The following PKD1L1 variants were observed in gnomAD, a reference collection of about 807,000 sequenced individuals.
PKD1L1 encodes the protein polycystin-1-like protein 1.
PKD1L1 carries 236 observed loss-of-function variants against 323.4 expected under a neutral mutation model. That is an observed-to-expected ratio of 0.73 (90% CI 0.66 to 0.81). The LOEUF is 0.81. Ranked by LOEUF, PKD1L1 falls within the 40% of genes least tolerant of loss-of-function variation. PKD1L1 has a pLI of 0.00. For synonymous variants in PKD1L1, 1,344 were observed against 1,335.0 expected (o/e 1.01, Z -0.15); for missense variants, 3,320 against 3,508.0 (o/e 0.95, Z 1.35).
At chr7:47,808,524 G>A (rs1784829517) in intron 51 of PKD1L1, 137 bp from the exon 52 acceptor site, 3 of 1,053,902 alleles carry the variant, frequency 2.8e-6, no homozygotes, top group African/African-American at 3.2e-5. Flanking sequence ...GCATCGCTGG[G>A]TGATTTTGTC....
At chr7:47,818,520 A>G (rs377047985) in intron 46 of PKD1L1, among the ~76,000 whole-genome samples, 4 of 152,250 alleles carry the variant, frequency 2.6e-5, no homozygotes, top group South Asian at 2.1e-4. Context: ...TTGGAATAAC[A>G]TTAAGAAACT....
intron 4 of PKD1L1, among the ~76,000 whole-genome samples, chr7:47,932,591 AG>A (rs779416352): frequency 3.9e-5 from 6 of 152,158 alleles, no homozygotes; most frequent in Middle Eastern, 3.2e-3. Context: ...CCCCCATCAT[AG>A]GACCCTGTTT....
At chr7:47,887,915 C>T in intron 17 of PKD1L1, 75 bp downstream of exon 17, 1 of 1,442,884 alleles carries the variant, frequency 6.9e-7, no homozygotes, top group South Asian at 1.3e-5. Flanking sequence ...ATGTATTTTG[C>T]AACATTTTAG....
chr7:47,943,196 A>ATGTG (rs1554417340), intron 2 of PKD1L1, among the ~76,000 whole-genome samples, 200 bp downstream of exon 2: 2 of 135,004 alleles, frequency 1.5e-5, no homozygotes, highest in Non-Finnish European at 3.1e-5. Context: ...ATATATATAT[A>ATGTG]TGTGTGTGTA....
In PKD1L1 at chr7:47,839,922, C is replaced by T. The variant is rs541644177; in HGVS notation, c.5553-260G>A. 6.6e-5 allele frequency among the ~76,000 whole-genome samples: 10 copies of T among 152,304 alleles called. No homozygotes were observed. The highest frequency in any genetic ancestry group is 2.2e-4 in the African/African-American group (9 of 41,572). On this transcript the variant is annotated intron_variant, in intron 35 of 56. Transcript: ENST00000289672. The surrounding 1 kb of genome is among the most constrained non-coding windows in gnomAD (Gnocchi z 4.3). ...TCCCAAACCAAAGTTACACAAATCT[C>T]GTTCATGTATTTGTCTCTGGTGTGG...
intron 36 of PKD1L1, among the ~76,000 whole-genome samples, chr7:47,838,756 T>C (rs1287299307): frequency 6.6e-6 from 1 of 151,306 alleles, no homozygotes; most frequent in East Asian, 1.9e-4. Context: ...CGTGTGCCTG[T>C]AGTCCCAGCT....
At chr7:47,874,165 T>C (rs934169605) in intron 23 of PKD1L1, among the ~76,000 whole-genome samples, 155 bp from the exon 24 acceptor site, 4 of 152,132 alleles carry the variant, frequency 2.6e-5, no homozygotes, top group Non-Finnish European at 5.9e-5. Context: ...GGGAGTGAAA[T>C]ACAAACTCGG....
At chr7:47,934,837 A>G (rs1446696435) in intron 4 of PKD1L1, among the ~76,000 whole-genome samples, 4 of 152,156 alleles carry the variant, frequency 2.6e-5, no homozygotes, top group African/African-American at 9.7e-5. Context: ...CACAGCTAAG[A>G]AGGTCTTCTG....
intron 52 of PKD1L1, among the ~76,000 whole-genome samples, chr7:47,806,175 C>T (rs141737291): frequency 6.6e-6 from 1 of 152,218 alleles, no homozygotes; most frequent in Non-Finnish European, 1.5e-5. Context: ...AGACCAGATT[C>T]ATGTTTGCCC....
In PKD1L1 at chr7:47,803,358, A is replaced by C. The variant is rs1161070568; in HGVS notation, c.7828-14T>G. 1 of 1,612,956 alleles carries C rather than the reference A, an allele frequency of 6.2e-7. No homozygotes were observed. Among genetic ancestry groups the C allele is most frequent in the African/African-American group, 1.3e-5 (1 of 74,870 alleles). ...CCATCGAGCCCTCTGAGACAGAAGA[A>C]CATAACAGTCAGTGTGCCATGCCAG... On this transcript the variant is annotated splice_polypyrimidine_tract_variant and intron_variant, in intron 52 of 56. Coordinates refer to ENST00000289672, the MANE Select transcript of PKD1L1 (RefSeq NM_138295.5).
intron 21 of PKD1L1, among the ~76,000 whole-genome samples, chr7:47,880,226 G>A (rs1229972328): frequency 7.2e-6 from 1 of 138,974 alleles, no homozygotes; most frequent in Non-Finnish European, 1.5e-5. Flanking sequence ...ATCAACTTGT[G>A]CAGTTGTCTA....
At chr7:47,815,252 G>C in intron 47 of PKD1L1, 82 bp downstream of exon 47, 9 of 1,533,734 alleles carry the variant, frequency 5.9e-6, no homozygotes, top group Non-Finnish European at 7.9e-6. Flanking sequence ...CAGTGCTGCA[G>C]TTCAGCATTA....
rs1785381895 is a variant in PKD1L1, at chr7:47,833,117, T to A, written c.6310A>T (p.Ser2104Cys). The change falls in exon 41 of 57, where the codon AGC (serine) becomes TGC (cysteine). Residue 2104 changes from serine to cysteine, a missense_variant. By Grantham distance (112) the Ser-to-Cys change is moderately radical. Transcript: ENST00000289672. The part of the protein sequence containing the change: ...DHSRTSLMGK[S>C]HCCPPHTQAP... ...TGAGTGTGGGGAGGGCAGCAGTGGC[T>A]TTTCCCCATCAGAGAAGTCCTGCTG... The A allele has an allele frequency of 2.5e-6, 4 of 1,611,328 alleles. No individual in the cohort carries two copies. In the African/African-American group the frequency reaches 4.0e-5, roughly 16 times the overall value.
intron 31 of PKD1L1, among the ~76,000 whole-genome samples, chr7:47,850,527 A>G (rs1785757372): frequency 1.3e-5 from 2 of 150,672 alleles, no homozygotes; most frequent in Admixed American, 1.3e-4. Context: ...AGCTACCCAC[A>G]AGGCTGAGGC....
chr7:47,940,652 G>A (rs1465979526), intron 2 of PKD1L1, among the ~76,000 whole-genome samples: 1 of 152,242 alleles, frequency 6.6e-6, no homozygotes, highest in East Asian at 1.9e-4. Context: ...GCTCAGGGGT[G>A]TGTAGTAGAG....
intron 1 of PKD1L1, among the ~76,000 whole-genome samples, 199 bp downstream of exon 1, chr7:47,948,198 T>C (rs1344627947): frequency 6.6e-6 from 1 of 152,126 alleles, no homozygotes; most frequent in Non-Finnish European, 1.5e-5. Context: ...TCAAAAGCCT[T>C]CAGGAAAAAA....
rs1787157755 is a variant in PKD1L1 at position 47,904,474 on chromosome 7, C to T, written c.1835G>A (p.Cys612Tyr). 1 of 1,614,072 alleles carries T rather than the reference C, an allele frequency of 6.2e-7. No homozygotes were observed. The highest frequency in any genetic ancestry group is 8.5e-7 in the Non-Finnish European group (1 of 1,180,038). The stretch of plus-strand genomic sequence containing the variant: ...AACATCTGTGCCGAAGTTGATCCAG[C>T]ACTCAAAGGCCACACTGGCATTTAC... ...ALVNASVAFECWINFGTDVAY... is the reference protein window; with the variant it reads ...ALVNASVAFEYWINFGTDVAY... The change falls in exon 12 of 57, where the codon TGC becomes TAC. Residue 612 changes from cysteine (C) to tyrosine (Y), a missense_variant. Coordinates refer to ENST00000289672, the MANE Select transcript of PKD1L1 (RefSeq NM_138295.5).
the PKD1L1 span, among the ~76,000 whole-genome samples, chr7:47,959,350 C>T: frequency 2.4e-3 from 359 of 149,540 alleles, 2 homozygotes; most frequent in Admixed American, 7.4e-3. Flanking sequence ...CGTCTCTGCC[C>T]GGCCGCCATC....
chr7:47,943,445 C>T lies in PKD1L1; in HGVS notation c.111G>A (p.Trp37Ter). The change falls in exon 2 of 57, where the codon TGG becomes TGA. Residue 37 changes from tryptophan (W) to a stop codon, truncating the protein, a stop_gained. Coordinates refer to ENST00000289672, the MANE Select transcript of PKD1L1 (RefSeq NM_138295.5). LOFTEE classifies it high-confidence loss of function. Reference sequence around the variant, plus strand: ...GGCTACAGCTGCACAGATGAAGACCCCAGCTCTTGTCAGTGCTCACAGACA... The same window carrying T: ...GGCTACAGCTGCACAGATGAAGACCTCAGCTCTTGTCAGTGCTCACAGACA... ...GELSVSTDKS[W>*]GLHLCSCSPP... 3.1e-6 allele frequency: 5 copies of T among 1,613,536 alleles called. No homozygotes were observed. The highest frequency in any genetic ancestry group is 1.1e-5 in the South Asian group (1 of 91,064).
Sources: allele counts gnomAD v4.1 joint callset (sites outside exome capture counted in the v4.1 genomes callset), GRCh38; gene constraint gnomAD v4.1.1; non-coding constraint Gnocchi (gnomAD v3.1); transcripts MANE v1.5; gene names NCBI Gene and HGNC (gene_info 2026-07-23, HGNC 2026-07-21).